The following AADACL2 variants were observed in gnomAD, a reference collection of about 807,000 sequenced individuals.
The protein encoded by AADACL2 is arylacetamide deacetylase like 2.
AADACL2 carries 23 observed loss-of-function variants against 22.3 expected under a neutral mutation model. The observed-to-expected ratio is 1.03, with a 90% CI of 0.74 to 1.46. AADACL2 has a LOEUF of 1.46. AADACL2 is among the 40% of genes most tolerant of loss of function. The probability of loss-of-function intolerance (pLI) is 0.00; values close to 1 mark genes in which losing one functional copy is unlikely to be tolerated. For synonymous variants in AADACL2, 177 were observed against 166.2 expected (o/e 1.07, Z -0.50); for missense variants, 472 against 482.9 (o/e 0.98, Z 0.21).
intron 4 of AADACL2, among the ~76,000 whole-genome samples, chr3:151,752,950 T>C (rs1713725285): frequency 6.6e-6 from 1 of 152,194 alleles, no homozygotes; most frequent in African/African-American, 2.4e-5. Flanking sequence ...ATCCCATATT[T>C]CTATGGCTGT....
chr3:151,734,602 C>A (rs1432081668), intron 1 of AADACL2, among the ~76,000 whole-genome samples: 1 of 152,070 alleles, frequency 6.6e-6, no homozygotes, highest in Non-Finnish European at 1.5e-5. Flanking sequence ...TATTTAATGG[C>A]TTTCATTGTC....
Position 151,740,725 on chromosome 3 carries a change from C to T in AADACL2, c.218C>T (p.Pro73Leu). ...SMIFRLDYTQPLSDEYITVTD... is the reference protein window; with the variant it reads ...SMIFRLDYTQLLSDEYITVTD... ...ATATTCAGGCTGGATTATACCCAAC[C>T]ACTTTCAGATGAATACATCACAGTG... Residue 73 changes from proline (P) to leucine (L), a missense_variant, in exon 2 of 5, where the codon CCA (proline) becomes CTA (leucine). By Grantham distance (98) the Pro-to-Leu change is moderately conservative. Coordinates refer to ENST00000356517, the MANE Select transcript of AADACL2 (RefSeq NM_207365.4). 2 of 1,613,868 alleles carry T rather than the reference C, an allele frequency of 1.2e-6. No homozygotes were observed. Among genetic ancestry groups the T allele is most frequent in the Middle Eastern group, 1.7e-4 (1 of 6,056 alleles).
At chr3:151,745,867 C>A (rs1353499114) in intron 4 of AADACL2, among the ~76,000 whole-genome samples, 187 bp downstream of exon 4, 1 of 151,952 alleles carries the variant, frequency 6.6e-6, no homozygotes. Context: ...TTCCATTGAT[C>A]TACATGTCTA....
At chr3:151,737,534 G>A (rs1057062477) in intron 1 of AADACL2, among the ~76,000 whole-genome samples, 23 of 152,036 alleles carry the variant, frequency 1.5e-4, no homozygotes, top group Non-Finnish European at 7.4e-5. Flanking sequence ...TTTCTGTCTC[G>A]TTGATCTGTC....
intron 4 of AADACL2, among the ~76,000 whole-genome samples, chr3:151,754,088 A>C (rs898678653): frequency 6.6e-6 from 1 of 152,082 alleles, no homozygotes; most frequent in Non-Finnish European, 1.5e-5. Context: ...TTGAGTCATA[A>C]AATGACACAG....
intron 1 of AADACL2, among the ~76,000 whole-genome samples, chr3:151,740,071 T>C (rs1267865535): frequency 6.6e-6 from 1 of 152,250 alleles, no homozygotes; most frequent in Admixed American, 6.5e-5. Flanking sequence ...AAGAAACTCC[T>C]GCAGCTAGCT....
At chr3:151,741,849 G>A (rs1713288338) in intron 2 of AADACL2, among the ~76,000 whole-genome samples, 1 of 151,968 alleles carries the variant, frequency 6.6e-6, no homozygotes, top group African/African-American at 2.4e-5. Context: ...TGATTATTAG[G>A]GTTATATCTC....
In AADACL2 at chr3:151,761,149, A is replaced by ATATT. The variant is rs1365740225; in HGVS notation, c.*3558_*3559insTTAT. The stretch of plus-strand genomic sequence containing the variant: ...TATATATTTATATATGGTGAGATAT[A>ATATT]TATATATATGGTGAGATATATATTT... On this transcript the variant is annotated 3_prime_UTR_variant, in exon 5 of 5. Coordinates refer to ENST00000356517, the MANE Select transcript of AADACL2 (RefSeq NM_207365.4). The ATATT allele has an allele frequency of 1.7e-4, 16 of 93,212 alleles. 1 individual carries two copies. Among genetic ancestry groups the ATATT allele is most frequent in the African/African-American group, 8.2e-4 (16 of 19,522 alleles). The allele number at this position is 93,212 out of a possible 1,614,324, so 5.8% of individuals were successfully genotyped here.
chr3:151,752,222 T>C (rs1430536532), intron 4 of AADACL2, among the ~76,000 whole-genome samples: 2 of 152,196 alleles, frequency 1.3e-5, no homozygotes, highest in Non-Finnish European at 2.9e-5. Context: ...GATCCTGTGA[T>C]TGATAATATG....
At chr3:151,734,906 C>T (rs1046779724) in intron 1 of AADACL2, among the ~76,000 whole-genome samples, 1 of 152,116 alleles carries the variant, frequency 6.6e-6, no homozygotes, top group Non-Finnish European at 1.5e-5. Context: ...CATTTTGAAA[C>T]CCATACTCTT....
chr3:151,740,553 C>G (rs1031822062), intron 1 of AADACL2, 93 bp from the exon 2 acceptor site: 1 of 810,354 alleles, frequency 1.2e-6, no homozygotes, highest in Non-Finnish European at 1.9e-6. Flanking sequence ...GTTTACCTTG[C>G]TTATTTTTTC....
Position 151,758,495 on chromosome 3 carries a change from T to C in AADACL2, c.*901T>C, listed in dbSNP as rs1408874908. 1.7e-5 allele frequency: 2 copies of C among 117,664 alleles called. No homozygotes were observed. Among genetic ancestry groups the C allele is most frequent in the African/African-American group, 6.8e-5 (2 of 29,292 alleles). 7.3% of individuals were successfully genotyped at this position (117,664 alleles called of 1,614,324 possible). A position where few individuals can be genotyped will look rare whatever the true frequency, so the allele number is the denominator to read the frequency against. On this transcript the variant is annotated 3_prime_UTR_variant, in exon 5 of 5. Coordinates refer to ENST00000356517, the MANE Select transcript of AADACL2 (RefSeq NM_207365.4). The stretch of plus-strand genomic sequence containing the variant: ...TTCAGAGATTAGGATGTAGTTATCT[T>C]TTGGGAGGCCATTTTTAAAAATATT...
At chr3:151,739,825 C>T (rs1029449801) in intron 1 of AADACL2, among the ~76,000 whole-genome samples, 18 of 152,150 alleles carry the variant, frequency 1.2e-4, no homozygotes, top group African/African-American at 4.3e-4. Context: ...GGAAAACCAC[C>T]TACTCAAGCC....
chr3:151,747,264 T>A (rs1381954132), intron 4 of AADACL2, among the ~76,000 whole-genome samples: 1 of 152,174 alleles, frequency 6.6e-6, no homozygotes, highest in African/African-American at 2.4e-5. Flanking sequence ...ATGTTTAAGA[T>A]CTGTCTTAGC....
In AADACL2 at chr3:151,757,416, T is replaced by C. The variant is rs1434877572; in HGVS notation, c.1028T>C (p.Leu343Ser). ...TYILTCQHDL[L>S]RDDGLMYVTR... is the part of the protein sequence containing the mutation. Reference sequence around the variant, plus strand: ...ATTCTTACTTGTCAACATGATCTCTTAAGAGATGATGGACTTATGTATGTT... The same window carrying C: ...ATTCTTACTTGTCAACATGATCTCTCAAGAGATGATGGACTTATGTATGTT... The change falls in exon 5 of 5, where the codon TTA becomes TCA. Residue 343 changes from leucine to serine, a missense_variant. By Grantham distance (145) the Leu-to-Ser change is moderately radical. Coordinates refer to ENST00000356517, the MANE Select transcript of AADACL2 (RefSeq NM_207365.4). 3 of 1,613,720 alleles carry C rather than the reference T, an allele frequency of 1.9e-6. No homozygotes were observed. Among genetic ancestry groups the C allele is most frequent in the South Asian group, 2.2e-5 (2 of 91,058 alleles).
At chr3:151,748,784 A>G (rs2107986583) in intron 4 of AADACL2, among the ~76,000 whole-genome samples, 1 of 152,258 alleles carries the variant, frequency 6.6e-6, no homozygotes, top group East Asian at 1.9e-4. Context: ...CAGCCACTAG[A>G]ATTGTGAGAT....
chr3:151,741,406 T>C (rs1157633292), intron 2 of AADACL2, among the ~76,000 whole-genome samples: 1 of 152,130 alleles, frequency 6.6e-6, no homozygotes, highest in Non-Finnish European at 1.5e-5. Flanking sequence ...CCTACTTGTC[T>C]TTTTAGGCAT....
At chr3:151,748,105 C>T (rs1315254145) in intron 4 of AADACL2, among the ~76,000 whole-genome samples, 2 of 146,940 alleles carry the variant, frequency 1.4e-5, no homozygotes, top group Admixed American at 6.6e-5. Flanking sequence ...CGTGCAGATG[C>T]TTTTTAGTTT....
Position 151,757,241 on chromosome 3 carries a change from A to G in AADACL2, c.853A>G (p.Ile285Val). The G allele has an allele frequency of 3.7e-6, 6 of 1,613,748 alleles. No individual in the cohort carries two copies. Among genetic ancestry groups the G allele is most frequent in the Non-Finnish European group, 5.1e-6 (6 of 1,179,718 alleles). The change falls in exon 5 of 5, where the codon ATT becomes GTT. Residue 285 changes from isoleucine (I) to valine (V), a missense_variant. Ile to Val is a conservative substitution (Grantham distance 29, BLOSUM62 3). Coordinates refer to ENST00000356517, the MANE Select transcript of AADACL2 (RefSeq NM_207365.4). ...RHLFKFVNWS[I>V]LLPEKYRKDY... ...TCTGTTTAAGTTTGTTAACTGGAGTATTCTTCTTCCTGAGAAGTATAGAAA... is the reference window on the plus strand; with the variant it reads ...TCTGTTTAAGTTTGTTAACTGGAGTGTTCTTCTTCCTGAGAAGTATAGAAA...
Sources: allele counts gnomAD v4.1 joint callset (sites outside exome capture counted in the v4.1 genomes callset), GRCh38; gene constraint gnomAD v4.1.1; transcripts MANE v1.5; gene names NCBI Gene and HGNC (gene_info 2026-07-23, HGNC 2026-07-21).